The following ABCB1 variants were observed in gnomAD, a reference collection of about 807,000 sequenced individuals.
ABCB1 encodes the protein ATP-dependent translocase ABCB1.
A neutral mutation model predicts 142.0 loss-of-function variants in ABCB1; 69 were observed. The ratio of observed to expected loss-of-function variants is 0.49; its 90% confidence interval spans 0.40 to 0.59. The LOEUF (loss-of-function observed/expected upper bound fraction) is 0.59, where lower values mean the gene tolerates loss of function less well. ABCB1 is among the 20% of genes least tolerant of loss of function. ABCB1 has a pLI of 0.00. For synonymous variants in ABCB1, 532 were observed against 539.2 expected, an observed-to-expected ratio of 0.99 and a Z score of 0.18; for missense variants, 1,326 against 1,554.7, an observed-to-expected ratio of 0.85 and a Z score of 2.47.
At chr7:87,638,345 TTGTGTGTGTGTG>T (rs71524692) in intron 1 of ABCB1, among the ~76,000 whole-genome samples, 6 of 144,694 alleles carry the variant, frequency 4.1e-5, no homozygotes, top group East Asian at 2.0e-4. Context: ...AAGTATGTGT[TTGTGTGTGTGTG>T]TGTGTGTGTG....
At chr7:87,536,744 C>A (rs1816312593) in intron 19 of ABCB1, among the ~76,000 whole-genome samples, 1 of 152,078 alleles carries the variant, frequency 6.6e-6, no homozygotes, top group South Asian at 2.1e-4. Context: ...TTTCTGAGTG[C>A]CTACTTTCTC....
chr7:87,672,775 A>G (rs1825959850), intron 1 of ABCB1, among the ~76,000 whole-genome samples: 1 of 152,132 alleles, frequency 6.6e-6, no homozygotes, highest in Non-Finnish European at 1.5e-5. Flanking sequence ...GAGGTCACAC[A>G]TTGACTCACT....
At chr7:87,515,731 C>T (rs918432530) in intron 24 of ABCB1, among the ~76,000 whole-genome samples, 25 of 151,970 alleles carry the variant, frequency 1.6e-4, no homozygotes, top group Non-Finnish European at 3.1e-4. Flanking sequence ...GCTGGGATTA[C>T]AGGCGTGTGC....
At chr7:87,707,264 A>G (rs2130727799) in intron 1 of ABCB1, among the ~76,000 whole-genome samples, 1 of 152,318 alleles carries the variant, frequency 6.6e-6, no homozygotes, top group East Asian at 1.9e-4. Flanking sequence ...AATTGAAACA[A>G]ACCTATGGGT....
intron 1 of ABCB1, among the ~76,000 whole-genome samples, chr7:87,625,052 C>G (rs1032959594): frequency 6.6e-6 from 1 of 152,086 alleles, no homozygotes; most frequent in Non-Finnish European, 1.5e-5. Flanking sequence ...GTCAGGAGAT[C>G]GAGACCATCC....
In ABCB1 at chr7:87,504,205, A is replaced by T; in HGVS notation, c.*38T>A. 2 of 1,611,546 alleles carry T rather than the reference A, an allele frequency of 1.2e-6. No homozygotes were observed. Among genetic ancestry groups the T allele is most frequent in the Non-Finnish European group, 1.7e-6 (2 of 1,177,940 alleles). ...TTTGAATAAATGTCATATCTAAACA[A>T]ATATTAAAAAGTATTTAACATCTCA... On this transcript the variant is annotated 3_prime_UTR_variant, in exon 28 of 28. Coordinates refer to ENST00000622132, the MANE Select transcript of ABCB1 (RefSeq NM_001348946.2).
At chr7:87,695,037 C>G (rs958893702) in intron 1 of ABCB1, among the ~76,000 whole-genome samples, 1 of 151,970 alleles carries the variant, frequency 6.6e-6, no homozygotes, top group Non-Finnish European at 1.5e-5. Context: ...ATTCTTAGTG[C>G]CTAAATGATA....
intron 23 of ABCB1, among the ~76,000 whole-genome samples, chr7:87,517,570 G>A (rs1815308078): frequency 6.6e-6 from 1 of 152,070 alleles, no homozygotes; most frequent in South Asian, 2.1e-4. Flanking sequence ...TAGGTTTGTG[G>A]GCAAAAATAT....
chr7:87,517,614 A>T (rs996186786), intron 23 of ABCB1, among the ~76,000 whole-genome samples: 1 of 152,244 alleles, frequency 6.6e-6, no homozygotes, highest in African/African-American at 2.4e-5. Flanking sequence ...TGGTTGTTAC[A>T]CAGCATTATT....
chr7:87,534,917 T>TAAAAAAAAAAA (rs139364527), intron 20 of ABCB1, among the ~76,000 whole-genome samples: 44 of 91,786 alleles, frequency 4.8e-4, no homozygotes, highest in African/African-American at 1.8e-3. Flanking sequence ...CCTGTCTCTT[T>TAAAAAAAAAAA]AAAAAAAAAA....
intron 20 of ABCB1, among the ~76,000 whole-genome samples, chr7:87,532,456 T>C (rs1279128736): frequency 1.3e-5 from 2 of 152,224 alleles, no homozygotes; most frequent in African/African-American, 2.4e-5. Flanking sequence ...CCTACCAAAA[T>C]CAAGATGGTG....
At chr7:87,600,309 A>G in intron 1 of ABCB1, 119 bp from the exon 2 acceptor site, 1 of 805,448 alleles carries the variant, frequency 1.2e-6, no homozygotes, top group Non-Finnish European at 2.1e-6. Flanking sequence ...CCCGCCGTTG[A>G]TGCCCCAGCT....
rs149865544 is a variant in ABCB1 at position 87,620,673 on chromosome 7, A to C, written c.-330-19595T>G. ...TTATTTTTCTGAGCTAGTGCCTAGAAAACCAACAGAATCATAACAAAAAAT... is the reference window on the plus strand; with the variant it reads ...TTATTTTTCTGAGCTAGTGCCTAGACAACCAACAGAATCATAACAAAAAAT... On this transcript the variant is annotated intron_variant, in intron 1 of 28. Coordinates refer to the ABCB1 transcript ENST00000265724. Among the ~76,000 whole-genome samples the C allele has an allele frequency of 9.5e-3, 1,450 of 152,314 alleles. 9 individuals carry two copies. The highest frequency in any genetic ancestry group is 0.017 in the Middle Eastern group (5 of 294).
intron 1 of ABCB1, among the ~76,000 whole-genome samples, chr7:87,624,900 G>A (rs571244791): frequency 6.6e-6 from 1 of 152,300 alleles, no homozygotes; most frequent in South Asian, 2.1e-4. Flanking sequence ...GCTTGTTTAT[G>A]GCAAAGTCTT....
chr7:87,550,862 T>C, intron 9 of ABCB1, 24 bp from the exon 10 acceptor site: 1 of 1,467,098 alleles, frequency 6.8e-7, no homozygotes, highest in Non-Finnish European at 9.6e-7. Context: ...AGAAAAACCA[T>C]CAGGCTACTG....
intron 1 of ABCB1, among the ~76,000 whole-genome samples, chr7:87,640,419 T>C (rs566496656): frequency 6.6e-6 from 1 of 152,164 alleles, no homozygotes; most frequent in Admixed American, 6.5e-5. Flanking sequence ...AGTGCGATCA[T>C]AGCTCACTGC....
intron 8 of ABCB1, among the ~76,000 whole-genome samples, chr7:87,555,038 G>A (rs912587976): frequency 7.2e-5 from 11 of 152,144 alleles, no homozygotes; most frequent in African/African-American, 2.7e-4. Flanking sequence ...AACCCTCAGA[G>A]GGTGGTCAAT....
chr7:87,522,516 G>C (rs1379413157), intron 21 of ABCB1: 1 of 495,578 alleles, frequency 2.0e-6, no homozygotes, highest in Non-Finnish European at 3.9e-6. Flanking sequence ...AAGCACAGTG[G>C]TGGCAGGGCC....
intron 1 of ABCB1, among the ~76,000 whole-genome samples, chr7:87,678,236 G>A (rs1305783061): frequency 1.3e-5 from 2 of 152,152 alleles, no homozygotes; most frequent in East Asian, 3.8e-4. Flanking sequence ...TTACAGGTGT[G>A]AGCCACCATG....
Sources: gnomAD v4.1 joint callset for allele counts (sites outside exome capture counted in the v4.1 genomes callset) on GRCh38, gnomAD v4.1.1 for gene constraint, MANE v1.5 for transcripts, NCBI Gene and HGNC (gene_info 2026-07-23, HGNC 2026-07-21) for gene names.